ZMYND15: variants seen among roughly 807,000 people sequenced by gnomAD.
ZMYND15 encodes zinc finger MYND-type containing 15.
ZMYND15 carries 54 observed loss-of-function variants against 81.7 expected under a neutral mutation model. The observed-to-expected ratio is 0.66, with a 90% CI of 0.53 to 0.83. The LOEUF is 0.83. Ranked by LOEUF, ZMYND15 falls within the 40% of genes least tolerant of loss-of-function variation. The probability of loss-of-function intolerance (pLI) is 0.00; values close to 1 mark genes in which losing one functional copy is unlikely to be tolerated. For missense variants in ZMYND15, 925 were observed against 973.5 expected (o/e 0.95, Z 0.66); for synonymous variants, 399 against 387.0 (o/e 1.03, Z -0.36).
At position 4,745,267 on chromosome 17, in the gene ZMYND15, T is replaced by A; in HGVS notation, c.1949T>A (p.Met650Lys). ...GAGAGCAGCGAGTACAGCTGTGTGA[T>A]GGACGGCCAGACCATGGCGGTGGCC... ...FTESSEYSCV[M>K]DGQTMAVATG... Residue 650 changes from methionine to lysine, a missense_variant, in exon 13 of 14, where the codon ATG (methionine) becomes AAG (lysine). Met to Lys is a moderately conservative substitution (Grantham distance 95). Coordinates refer to ENST00000433935, the MANE Select transcript of ZMYND15 (RefSeq NM_001136046.3). The surrounding 1 kb of genome is among the most constrained non-coding windows in gnomAD (Gnocchi z 5.2). 6.2e-7 allele frequency: 1 copy of A among 1,613,672 alleles called. No individual in the cohort carries two copies. Among genetic ancestry groups the A allele is most frequent in the South Asian group, 1.1e-5 (1 of 91,062 alleles).
At position 4,741,998 on chromosome 17, in the gene ZMYND15, C is replaced by A. The variant is rs772314819; in HGVS notation, c.911C>A (p.Thr304Asn). ...MRTWGPRPGFTFASLRARTCH... is the reference protein window; with the variant it reads ...MRTWGPRPGFNFASLRARTCH... ...ACATGGGGTCCCCGGCCAGGCTTCA[C>A]CTTTGCTTCCCTTCGTGCTCGAACC... Residue 304 changes from threonine to asparagine, a missense_variant, in exon 4 of 14, where the codon ACC (threonine) becomes AAC (asparagine). By Grantham distance (65) the Thr-to-Asn change is moderately conservative. Transcript: ENST00000433935. 2.7e-5 allele frequency: 43 copies of A among 1,614,226 alleles called. No homozygotes were observed. The Admixed American group carries it at 6.7e-4, about 25-fold the overall frequency.
Position 4,740,055 on chromosome 17 carries a change from CGGA to C in ZMYND15, c.-31+10_-31+12del. On this transcript the variant is annotated splice_donor_region_variant and intron_variant, in intron 1 of 13. Coordinates refer to ENST00000433935, the MANE Select transcript of ZMYND15 (RefSeq NM_001136046.3). The stretch of plus-strand genomic sequence containing the variant: ...GAAAAGTGGTGGCGGCTGCAGGTAC[CGGA>C]GGAGTGGGGCGGCCGGGAGGGGCTA... The C allele has an allele frequency of 1.0e-6, 1 of 985,898 alleles. No individual in the cohort carries two copies. The highest frequency in any genetic ancestry group is 5.2e-4 in the Middle Eastern group (1 of 1,914). The allele number at this position is 985,898 out of a possible 1,614,324, so 61.1% of individuals were successfully genotyped here. A position where few individuals can be genotyped will look rare whatever the true frequency, so the allele number is the denominator to read the frequency against.
chr17:4,743,518 T>A lies in ZMYND15; in HGVS notation c.1297+63T>A. 1 of 1,595,118 alleles carries A rather than the reference T, an allele frequency of 6.3e-7. No individual in the cohort carries two copies. The highest frequency in any genetic ancestry group is 8.5e-7 in the Non-Finnish European group (1 of 1,172,416). On this transcript the variant is annotated intron_variant, in intron 6 of 13. Transcript: ENST00000433935. The surrounding 1 kb of genome is among the most constrained non-coding windows in gnomAD (Gnocchi z 4.3). Reference sequence around the variant, plus strand: ...AGAGGGAAGGACTGGGAAGAAGTTGTCTGGGTCCCAGATGATCCCTCCACA... The same window carrying A: ...AGAGGGAAGGACTGGGAAGAAGTTGACTGGGTCCCAGATGATCCCTCCACA...
chr17:4,745,206 C>G lies in ZMYND15; in HGVS notation c.1897-9C>G. 1 of 1,614,064 alleles carries G rather than the reference C, an allele frequency of 6.2e-7. No individual in the cohort carries two copies. The highest frequency in any genetic ancestry group is 8.5e-7 in the Non-Finnish European group (1 of 1,179,974). On this transcript the variant is annotated splice_polypyrimidine_tract_variant and intron_variant, in intron 12 of 13. Transcript: ENST00000433935. The surrounding 1 kb of genome is among the most constrained non-coding windows in gnomAD (Gnocchi z 5.2). Reference sequence around the variant, plus strand: ...GGGGCCTCTCAGAGCGACTCTCGCTCCACCCCAGTCCCTCCGAGTGCCAGC... The same window carrying G: ...GGGGCCTCTCAGAGCGACTCTCGCTGCACCCCAGTCCCTCCGAGTGCCAGC...
rs1916374999 is a variant in ZMYND15 at position 4,740,923 on chromosome 17, AGAG to A, written c.376_378del (p.Glu126del). 4 of 1,581,224 alleles carry A rather than the reference AGAG, an allele frequency of 2.5e-6. No homozygotes were observed. Among genetic ancestry groups the A allele is most frequent in the East Asian group, 2.3e-5 (1 of 44,284 alleles). On this transcript the variant is annotated inframe_deletion, in exon 2 of 14. Coordinates refer to ENST00000433935, the MANE Select transcript of ZMYND15 (RefSeq NM_001136046.3). ...AGGAAGAGGAGGAAGATGAAGAAGA[AGAG>A]AAGAGAGAGGACGGGGGTGCAGGCA...
At position 4,744,892 on chromosome 17, in the gene ZMYND15, C is replaced by G. The variant is rs1421233840; in HGVS notation, c.1860C>G (p.Leu620=). The part of the protein sequence containing the change: ...LVIGFNSGFA[L]KDTWLRSLPR... ...CAGGATTTAACTCCGGGTTTGCTCT[C>G]AAGGATACGTGGCTGAGGTCTCTGC... is the stretch of plus-strand genomic sequence containing the variant. The change falls in exon 12 of 14, where the codon CTC becomes CTG. Residue 620 remains leucine (L), a synonymous_variant. Transcript: ENST00000433935. The surrounding 1 kb of genome is among the most constrained non-coding windows in gnomAD (Gnocchi z 4.1). The G allele has an allele frequency of 2.5e-6, 4 of 1,614,164 alleles. No homozygotes were observed. Among genetic ancestry groups the G allele is most frequent in the Non-Finnish European group, 2.5e-6 (3 of 1,180,014 alleles).
intron 5 of ZMYND15, 142 bp downstream of exon 5, chr17:4,742,633 G>C: frequency 8.3e-7 from 1 of 1,200,918 alleles, no homozygotes; most frequent in Non-Finnish European, 1.1e-6. Context: ...AAGGGCAGGG[G>C]CTGGGTGTTT....
chr17:4,742,112 G>A lies in ZMYND15; in HGVS notation c.983+42G>A, dbSNP rs3809848. 93 of 1,609,094 alleles carry A rather than the reference G, an allele frequency of 5.8e-5. No individual in the cohort carries two copies. In the East Asian group the frequency reaches 2.0e-3, roughly 35 times the overall value. ...CTGGGGGAGAGGAAGACCCCAATAG[G>A]CAAATAGAAGGAAGGCAGGGTGGTG... On this transcript the variant is annotated intron_variant, in intron 4 of 13. Coordinates refer to ENST00000433935, the MANE Select transcript of ZMYND15 (RefSeq NM_001136046.3).
Position 4,742,364 on chromosome 17 carries a change from G to T in ZMYND15, c.1017G>T (p.Glu339Asp). 6.2e-7 allele frequency: 1 copy of T among 1,614,092 alleles called. No homozygotes were observed. Among genetic ancestry groups the T allele is most frequent in the Non-Finnish European group, 8.5e-7 (1 of 1,179,964 alleles). ...GTAGTGCTGTCTTGTATTGTGGAGAGGCTTGTCTCCGGGCTGACTGGCAGC... is the reference window on the plus strand; with the variant it reads ...GTAGTGCTGTCTTGTATTGTGGAGATGCTTGTCTCCGGGCTGACTGGCAGC... ...PQCSAVLYCG[E>D]ACLRADWQRC... The change falls in exon 5 of 14, where the codon GAG (glutamate) becomes GAT (aspartate). Residue 339 changes from glutamate to aspartate, a missense_variant. Glu to Asp is a conservative substitution (Grantham distance 45). Transcript: ENST00000433935.
Position 4,743,591 on chromosome 17 carries a change from C to G in ZMYND15, c.1297+136C>G. 1 of 1,393,584 alleles carries G rather than the reference C, an allele frequency of 7.2e-7. No individual in the cohort carries two copies. The highest frequency in any genetic ancestry group is 9.7e-7 in the Non-Finnish European group (1 of 1,030,096). 86.3% of individuals were successfully genotyped at this position (1,393,584 alleles called of 1,614,324 possible). A position where few individuals can be genotyped will look rare whatever the true frequency, so the allele number is the denominator to read the frequency against. ...GCACCAGGGCCATTTCAGGCCTTTC[C>G]CAGCCCTCAATGGAATCACCCCTAC... On this transcript the variant is annotated intron_variant, in intron 6 of 13. Transcript: ENST00000433935. The surrounding 1 kb of genome is among the most constrained non-coding windows in gnomAD (Gnocchi z 4.3).
At chr17:4,740,312 C>T (rs1162631069) in intron 1 of ZMYND15, 4 of 918,528 alleles carry the variant, frequency 4.4e-6, no homozygotes, top group Non-Finnish European at 5.9e-6. Context: ...TTCTCCAACC[C>T]TGGTCACCCA....
Position 4,740,627 on chromosome 17 carries a change from G to A in ZMYND15, c.79G>A (p.Ala27Thr), listed in dbSNP as rs748591091. Residue 27 changes from alanine to threonine, a missense_variant, in exon 2 of 14, where the codon GCA becomes ACA. Transcript: ENST00000433935. Reference sequence around the variant, plus strand: ...CTTCGGCTGGTTCCGAAAGTTTGTGGCAGAGCGTGGAGCTGTAGGGACTAG... The same window carrying A: ...CTTCGGCTGGTTCCGAAAGTTTGTGACAGAGCGTGGAGCTGTAGGGACTAG... ...LLFGWFRKFV[A>T]ERGAVGTSLE... 2 of 1,613,658 alleles carry A rather than the reference G, an allele frequency of 1.2e-6. No homozygotes were observed. The highest frequency in any genetic ancestry group is 1.7e-6 in the Non-Finnish European group (2 of 1,179,742).
At position 4,743,495 on chromosome 17, in the gene ZMYND15, AGG is replaced by A; in HGVS notation, c.1297+42_1297+43del. On this transcript the variant is annotated intron_variant, in intron 6 of 13. Coordinates refer to ENST00000433935, the MANE Select transcript of ZMYND15 (RefSeq NM_001136046.3). This position sits in a 1 kb window ranked among gnomAD's most constrained non-coding sequence, Gnocchi z 4.3. Reference sequence around the variant, plus strand: ...TCCAGGCATGGGCCCCTTGGCCTAGAGGGAAGGACTGGGAAGAAGTTGTCTGG... The same window carrying A: ...TCCAGGCATGGGCCCCTTGGCCTAGAGAAGGACTGGGAAGAAGTTGTCTGG... 2 of 1,609,242 alleles carry A rather than the reference AGG, an allele frequency of 1.2e-6. No homozygotes were observed. The highest frequency in any genetic ancestry group is 1.7e-6 in the Non-Finnish European group (2 of 1,178,360).
Position 4,743,703 on chromosome 17 carries a change from A to T in ZMYND15, c.1298-64A>T. 2.7e-6 allele frequency: 4 copies of T among 1,507,040 alleles called. No individual in the cohort carries two copies. Among genetic ancestry groups the T allele is most frequent in the Non-Finnish European group, 3.6e-6 (4 of 1,107,038 alleles). The allele number at this position is 1,507,040 out of a possible 1,614,324, so 93.4% of individuals were successfully genotyped here. ...AGGGAATACAGCCCCTTTGGAAGGA[A>T]GAAAGAGATGGGTCAGGTGGGGGTC... On this transcript the variant is annotated intron_variant, in intron 6 of 13. Coordinates refer to ENST00000433935, the MANE Select transcript of ZMYND15 (RefSeq NM_001136046.3). The surrounding 1 kb of genome is among the most constrained non-coding windows in gnomAD (Gnocchi z 4.3).
rs560026980 is a variant in ZMYND15 at position 4,744,151 on chromosome 17, G to C, written c.1496-39G>C. 1.2e-5 allele frequency: 20 copies of C among 1,613,320 alleles called. No homozygotes were observed. The East Asian group carries it at 4.0e-4, about 32-fold the overall frequency. On this transcript the variant is annotated intron_variant, in intron 8 of 13. Coordinates refer to ENST00000433935, the MANE Select transcript of ZMYND15 (RefSeq NM_001136046.3). The surrounding 1 kb of genome is among the most constrained non-coding windows in gnomAD (Gnocchi z 4.1). ...GGGGTGGAGCAGGATGGGGGAGTGA[G>C]AGTGGACCACATCCTTAAAGCGCTG...
At position 4,745,699 on chromosome 17, in the gene ZMYND15, C is replaced by T. The variant is rs1916632444; in HGVS notation, c.2058-120C>T. ...CAAGCCCCGCCCCCTGGTCCCTGAC[C>T]GCCCGGTGGAGCCCCGCCCCCTGGT... On this transcript the variant is annotated intron_variant, in intron 13 of 13. Coordinates refer to ENST00000433935, the MANE Select transcript of ZMYND15 (RefSeq NM_001136046.3). This position sits in a 1 kb window ranked among gnomAD's most constrained non-coding sequence, Gnocchi z 5.2. The T allele has an allele frequency of 4.5e-6, 3 of 662,396 alleles. No individual in the cohort carries two copies. Among genetic ancestry groups the T allele is most frequent in the Non-Finnish European group, 7.4e-6 (3 of 406,766 alleles). The allele number at this position is 662,396 out of a possible 1,614,324, so 41.0% of individuals were successfully genotyped here.
At position 4,744,527 on chromosome 17, in the gene ZMYND15, G is replaced by A; in HGVS notation, c.1683+60G>A. 1 of 1,608,560 alleles carries A rather than the reference G, an allele frequency of 6.2e-7. No individual in the cohort carries two copies. The highest frequency in any genetic ancestry group is 1.7e-5 in the Admixed American group (1 of 59,696). On this transcript the variant is annotated intron_variant, in intron 10 of 13. Coordinates refer to ENST00000433935, the MANE Select transcript of ZMYND15 (RefSeq NM_001136046.3). This position sits in a 1 kb window ranked among gnomAD's most constrained non-coding sequence, Gnocchi z 4.1. ...ACCCCTCCAGTGACCTCCTGGTTGG[G>A]TCCTGCCCTTCTGCCCCCCACTCCC... is the stretch of plus-strand genomic sequence containing the variant.
chr17:4,741,347 T>C (rs1205649772), intron 2 of ZMYND15, among the ~76,000 whole-genome samples: 1 of 151,788 alleles, frequency 6.6e-6, no homozygotes, highest in East Asian at 1.9e-4. Context: ...GATTTACACA[T>C]TCCCAAGAAA....
rs1916641013 is a variant in ZMYND15 at position 4,745,767 on chromosome 17, A to ACCCCTGGGAGTCCCGC, written c.2058-48_2058-33dup. 7.9e-6 allele frequency: 11 copies of ACCCCTGGGAGTCCCGC among 1,398,902 alleles called. No individual in the cohort carries two copies. Among genetic ancestry groups the ACCCCTGGGAGTCCCGC allele is most frequent in the African/African-American group, 1.6e-5 (1 of 64,208 alleles). 86.7% of individuals were successfully genotyped at this position (1,398,902 alleles called of 1,614,324 possible). On this transcript the variant is annotated intron_variant, in intron 13 of 13. Transcript: ENST00000433935. This position sits in a 1 kb window ranked among gnomAD's most constrained non-coding sequence, Gnocchi z 5.2. ...GGAGCCCCGACCCCTGGGAGCGCCG[A>ACCCCTGGGAGTCCCGC]CCCCTGGGAGTCCCGCCCCGTGGTC...
Sources: gnomAD v4.1 joint callset for allele counts (sites outside exome capture counted in the v4.1 genomes callset) on GRCh38, gnomAD v4.1.1 for gene constraint, Gnocchi (gnomAD v3.1) non-coding constraint, MANE v1.5 for transcripts, NCBI Gene and HGNC (gene_info 2026-07-23, HGNC 2026-07-21) for gene names.